The following NSMCE2 variants were observed in gnomAD, a reference collection of about 807,000 sequenced individuals.
NSMCE2 encodes the protein NSE2 SUMO ligase component of SMC5/6 complex, also known as E3 SUMO-protein ligase NSE2.
Under a neutral mutation model 23.8 loss-of-function variants are expected in NSMCE2, and 24 were observed. The observed-to-expected ratio is 1.01, with a 90% CI of 0.73 to 1.42. NSMCE2 has a LOEUF of 1.42. Ranked by LOEUF, NSMCE2 falls within the 40% of genes most tolerant of loss-of-function variation. NSMCE2 has a pLI of 0.00. For missense variants in NSMCE2, 284 were observed against 296.5 expected, an observed-to-expected ratio of 0.96 and a Z score of 0.31; for synonymous variants, 92 against 94.1, an observed-to-expected ratio of 0.98 and a Z score of 0.13.
intron 5 of NSMCE2, among the ~76,000 whole-genome samples, chr8:125,288,034 C>T (rs779357083): frequency 3.9e-5 from 6 of 152,070 alleles, no homozygotes; most frequent in African/African-American, 7.2e-5. Context: ...GTATGTTGCC[C>T]GGGCTCTTCA....
intron 4 of NSMCE2, among the ~76,000 whole-genome samples, chr8:125,173,267 C>T (rs1822310457): frequency 6.6e-6 from 1 of 152,112 alleles, no homozygotes; most frequent in Non-Finnish European, 1.5e-5. Context: ...ACTGTTAAAC[C>T]AGCAGAACCA....
At chr8:125,247,543 G>A (rs1283771907) in intron 5 of NSMCE2, among the ~76,000 whole-genome samples, 1 of 152,044 alleles carries the variant, frequency 6.6e-6, no homozygotes, top group Admixed American at 6.6e-5. Context: ...TGGCCAACAC[G>A]GTGAAACCCC....
intron 5 of NSMCE2, among the ~76,000 whole-genome samples, chr8:125,282,742 C>T (rs147980001): frequency 3.3e-4 from 50 of 152,376 alleles, no homozygotes; most frequent in African/African-American, 9.1e-4. Flanking sequence ...TAATGCTACA[C>T]AGCTTATCCC....
chr8:125,114,048 C>T (rs537143314), intron 3 of NSMCE2, among the ~76,000 whole-genome samples: 1 of 152,268 alleles, frequency 6.6e-6, no homozygotes, highest in African/African-American at 2.4e-5. Context: ...CAAGAAGTTA[C>T]CTATAAGCAC....
At chr8:125,271,694 C>T (rs1827197058) in intron 5 of NSMCE2, among the ~76,000 whole-genome samples, 1 of 152,114 alleles carries the variant, frequency 6.6e-6, no homozygotes, top group South Asian at 2.1e-4. Flanking sequence ...GGCAGGAGCT[C>T]CTGGGGTTTC....
At chr8:125,163,094 T>C (rs1821705950) in intron 4 of NSMCE2, among the ~76,000 whole-genome samples, 1 of 152,126 alleles carries the variant, frequency 6.6e-6, no homozygotes, top group African/African-American at 2.4e-5. Context: ...AGGCCAGGCT[T>C]GGTGGCTCAC....
rs56798105 is a variant in NSMCE2, at chr8:125,102,604, T to G, written c.157+117T>G. On this transcript the variant is annotated intron_variant, in intron 3 of 7. Transcript: ENST00000287437. ...GAATGATTTAACCCCTCTAGGCATC[T>G]GTTGTCTCATTTTATTCTACACACC... 2,233 of 757,322 alleles carry G rather than the reference T, an allele frequency of 2.9e-3. 37 individuals are homozygous for G. The African/African-American group carries it at 0.03, about 10-fold the overall frequency. The allele number at this position is 757,322 out of a possible 1,614,324, so 46.9% of individuals were successfully genotyped here.
At chr8:125,121,359 G>T (rs531140187) in intron 3 of NSMCE2, among the ~76,000 whole-genome samples, 1 of 152,108 alleles carries the variant, frequency 6.6e-6, no homozygotes, top group Non-Finnish European at 1.5e-5. Flanking sequence ...TCCCTTTATT[G>T]TACAATACTG....
chr8:125,171,098 C>T (rs576901347), intron 4 of NSMCE2, among the ~76,000 whole-genome samples: 2 of 152,272 alleles, frequency 1.3e-5, no homozygotes, highest in East Asian at 1.9e-4. Context: ...TTCTTTAGGT[C>T]TCTGGTTCAG....
intron 5 of NSMCE2, among the ~76,000 whole-genome samples, chr8:125,273,921 G>A (rs1827331402): frequency 1.3e-5 from 2 of 152,222 alleles, no homozygotes; most frequent in Non-Finnish European, 2.9e-5. Flanking sequence ...GGGACCTGGA[G>A]CTAGCAGGTG....
At chr8:125,218,962 G>C (rs35033076) in intron 5 of NSMCE2, among the ~76,000 whole-genome samples, 10,058 of 152,126 alleles carry the variant, frequency 0.066, 430 homozygotes, top group South Asian at 0.16. Flanking sequence ...TTTGGTCTCT[G>C]CAGACCAAAT....
At chr8:125,157,643 A>G (rs922882856) in intron 4 of NSMCE2, among the ~76,000 whole-genome samples, 6 of 152,362 alleles carry the variant, frequency 3.9e-5, no homozygotes, top group East Asian at 1.9e-4. Flanking sequence ...AATTACCTCT[A>G]TAAGAAATAA....
intron 4 of NSMCE2, among the ~76,000 whole-genome samples, chr8:125,166,434 T>A (rs1395769270): frequency 6.6e-6 from 1 of 152,050 alleles, no homozygotes; most frequent in Admixed American, 6.5e-5. Flanking sequence ...ACCTGGCTAA[T>A]TTTTATATTT....
intron 4 of NSMCE2, among the ~76,000 whole-genome samples, chr8:125,181,832 C>A (rs536354991): frequency 1.2e-3 from 190 of 152,212 alleles, no homozygotes; most frequent in Non-Finnish European, 2.0e-3. Flanking sequence ...TGGCAGTTAT[C>A]AGAAGACAAC....
chr8:125,240,054 C>T (rs1825708241), intron 5 of NSMCE2, among the ~76,000 whole-genome samples: 1 of 151,954 alleles, frequency 6.6e-6, no homozygotes, highest in Admixed American at 6.6e-5. Context: ...ACTGAAAAGA[C>T]AACTAGATTA....
At chr8:125,293,252 A>C (rs1450662681) in intron 5 of NSMCE2, among the ~76,000 whole-genome samples, 1 of 152,152 alleles carries the variant, frequency 6.6e-6, no homozygotes, top group East Asian at 1.9e-4. Flanking sequence ...ATTAATCCAC[A>C]CTGGAAGTTA....
chr8:125,096,390 C>T (rs949043691), intron 1 of NSMCE2, among the ~76,000 whole-genome samples: 24 of 152,172 alleles, frequency 1.6e-4, no homozygotes, highest in African/African-American at 5.1e-4. Flanking sequence ...TCTCAAGAAA[C>T]AGTCCTAGAA....
In NSMCE2 at chr8:125,170,376, CTTTTTTTTTTTTTTTTTTTTTTTT is replaced by C. The variant is rs565593006; in HGVS notation, c.265-11711_265-11688del. ...CATCAATAAACCTTACTCTTTATTT[CTTTTTTTTTTTTTTTTTTTTTTTT>C]TTTTTTTTTTTTTTTAAGACAGAGT... On this transcript the variant is annotated intron_variant, in intron 4 of 7. Transcript: ENST00000287437. Among the ~76,000 whole-genome samples the C allele has an allele frequency of 3.4e-3, 129 of 37,862 alleles. 2 individuals carry two copies. Among genetic ancestry groups the C allele is most frequent in the South Asian group, 2.8e-3 (2 of 706 alleles). 24.8% of individuals were successfully genotyped at this position (37,862 alleles called of 152,430 possible). A position where few individuals can be genotyped will look rare whatever the true frequency, so the allele number is the denominator to read the frequency against.
chr8:125,131,263 C>T (rs910821911), intron 3 of NSMCE2, among the ~76,000 whole-genome samples: 2 of 152,074 alleles, frequency 1.3e-5, no homozygotes, highest in South Asian at 2.1e-4. Flanking sequence ...AAAATATATA[C>T]GTACTTGGAA....
Sources: allele counts gnomAD v4.1 joint callset (sites outside exome capture counted in the v4.1 genomes callset), GRCh38; gene constraint gnomAD v4.1.1; transcripts MANE v1.5; gene names NCBI Gene and HGNC (gene_info 2026-07-23, HGNC 2026-07-21).